The following ANKRD62 variants were observed in gnomAD, a reference collection of about 807,000 sequenced individuals.
ANKRD62 encodes ankyrin repeat domain 62, also known as ankyrin repeat domain-containing protein 62.
Under a neutral mutation model 98.8 loss-of-function variants are expected in ANKRD62, and 61 were observed. The observed-to-expected ratio is 0.62, with a 90% CI of 0.50 to 0.76. The LOEUF (loss-of-function observed/expected upper bound fraction) is 0.76, where lower values mean the gene tolerates loss of function less well. Ranked by LOEUF, ANKRD62 falls within the 30% of genes least tolerant of loss-of-function variation. The pLI is 0.00. For synonymous variants in ANKRD62, 341 were observed against 367.9 expected (o/e 0.93, Z 0.84); for missense variants, 933 against 1,082.9 (o/e 0.86, Z 1.94).
the ANKRD62 span, among the ~76,000 whole-genome samples, chr18:12,152,489 A>G: frequency 7.9e-5 from 12 of 152,108 alleles, no homozygotes; most frequent in Middle Eastern, 3.4e-3. Context: ...AAAAACCACA[A>G]TTATCTCAAT....
At chr18:12,099,718 C>A in intron 6 of ANKRD62, 36 bp downstream of exon 6, 2 of 1,242,748 alleles carry the variant, frequency 1.6e-6, no homozygotes, top group South Asian at 1.9e-5. Context: ...CTCGATGGTC[C>A]TGTCATAGAT....
chr18:12,157,576 A>T, the ANKRD62 span, among the ~76,000 whole-genome samples: 105 of 152,202 alleles, frequency 6.9e-4, 1 homozygote, highest in Non-Finnish European at 1.2e-3. Context: ...TATCTGTTTG[A>T]AGGTTTCTCA....
the ANKRD62 span, among the ~76,000 whole-genome samples, chr18:12,138,653 G>A: frequency 1.3e-5 from 2 of 152,170 alleles, no homozygotes; most frequent in African/African-American, 2.4e-5. Context: ...GGGTGTTAAA[G>A]TCTCCTATTA....
At chr18:12,136,520 G>A in the ANKRD62 span, among the ~76,000 whole-genome samples, 5 of 152,236 alleles carry the variant, frequency 3.3e-5, no homozygotes, top group South Asian at 6.2e-4. Context: ...TTGACTTGGC[G>A]ATGCGGGCTC....
chr18:12,134,800 G>C, the ANKRD62 span, among the ~76,000 whole-genome samples: 1 of 152,068 alleles, frequency 6.6e-6, no homozygotes, highest in African/African-American at 2.4e-5. Context: ...TTTGTTCCAA[G>C]TCTTTACTAT....
At chr18:12,102,910 G>A (rs373294861) in intron 6 of ANKRD62, 8 of 537,466 alleles carry the variant, frequency 1.5e-5, no homozygotes, top group Non-Finnish European at 2.1e-5. Context: ...ATTTGTGAGC[G>A]AATCTTTGAG....
At chr18:12,174,694 C>G in the ANKRD62 span, among the ~76,000 whole-genome samples, 1 of 152,128 alleles carries the variant, frequency 6.6e-6, no homozygotes, top group Non-Finnish European at 1.5e-5. Context: ...AGTTGATGAC[C>G]TTAAGGGTTT....
chr18:12,146,534 C>T, the ANKRD62 span, among the ~76,000 whole-genome samples: 1 of 152,200 alleles, frequency 6.6e-6, no homozygotes, highest in Non-Finnish European at 1.5e-5. Context: ...CAACCTCCGC[C>T]TCCTGGGTTC....
At chr18:12,131,541 T>G (rs1433329024), downstream of ANKRD62, among the ~76,000 whole-genome samples, 1 of 152,228 alleles carries the variant, frequency 6.6e-6, no homozygotes, top group Non-Finnish European at 1.5e-5. Flanking sequence ...GCTCTACACT[T>G]GTTCCATCTC....
At chr18:12,150,937 C>A in the ANKRD62 span, among the ~76,000 whole-genome samples, 1 of 152,286 alleles carries the variant, frequency 6.6e-6, no homozygotes, top group South Asian at 2.1e-4. Flanking sequence ...CAAATATCAA[C>A]ACTAACTTTA....
intron 10 of ANKRD62, among the ~76,000 whole-genome samples, chr18:12,121,641 A>G (rs1909784468): frequency 6.6e-6 from 1 of 152,100 alleles, no homozygotes; most frequent in African/African-American, 2.4e-5. Context: ...AGCTCAGGGA[A>G]TCTATGTCAG....
At chr18:12,154,942 G>C in the ANKRD62 span, among the ~76,000 whole-genome samples, 1 of 152,166 alleles carries the variant, frequency 6.6e-6, no homozygotes, top group Non-Finnish European at 1.5e-5. Flanking sequence ...CGCAGAGAAG[G>C]GAACAGCAGA....
At chr18:12,145,260 G>T in the ANKRD62 span, among the ~76,000 whole-genome samples, 1 of 152,160 alleles carries the variant, frequency 6.6e-6, no homozygotes, top group East Asian at 1.9e-4. Flanking sequence ...CTTCTGGGAG[G>T]TCCCACTGCT....
At chr18:12,132,940 A>C (rs996627976), downstream of ANKRD62, among the ~76,000 whole-genome samples, 1 of 152,166 alleles carries the variant, frequency 6.6e-6, no homozygotes, top group Admixed American at 6.5e-5. Flanking sequence ...AAAATTTAGC[A>C]TTTTAACAAT....
intron 2 of ANKRD62, 66 bp downstream of exon 2, chr18:12,095,351 T>A: frequency 6.5e-7 from 1 of 1,530,904 alleles, no homozygotes; most frequent in Non-Finnish European, 8.8e-7. Flanking sequence ...TAAAATTAAT[T>A]CACCTCATTG....
intron 10 of ANKRD62, among the ~76,000 whole-genome samples, chr18:12,119,599 G>A (rs1909742309): frequency 6.6e-6 from 1 of 152,060 alleles, no homozygotes; most frequent in South Asian, 2.1e-4. Context: ...TCCCATTCAG[G>A]AGGGCTTGGC....
chr18:12,138,299 A>G, the ANKRD62 span, among the ~76,000 whole-genome samples: 2 of 152,108 alleles, frequency 1.3e-5, no homozygotes, highest in Non-Finnish European at 2.9e-5. Flanking sequence ...TCATTTCGTT[A>G]TGTACCCAGT....
At chr18:12,151,107 T>C in the ANKRD62 span, among the ~76,000 whole-genome samples, 2 of 151,884 alleles carry the variant, frequency 1.3e-5, no homozygotes, top group Non-Finnish European at 2.9e-5. Context: ...ACCAAGCAAA[T>C]GGAAAACAGA....
the ANKRD62 span, among the ~76,000 whole-genome samples, chr18:12,136,202 T>C: frequency 5.3e-5 from 8 of 152,052 alleles, no homozygotes; most frequent in Admixed American, 4.6e-4. Context: ...CTTTAATCCA[T>C]CTTGAATTAA....
Sources: allele counts gnomAD v4.1 joint callset (sites outside exome capture counted in the v4.1 genomes callset), GRCh38; gene constraint gnomAD v4.1.1; transcripts MANE v1.5; gene names NCBI Gene and HGNC (gene_info 2026-07-23, HGNC 2026-07-21).